Variants in AKR1B10 observed in about 807,000 individuals in gnomAD.
AKR1B10 encodes ARP.
AKR1B10 carries 39 observed loss-of-function variants against 38.9 expected under a neutral mutation model. The observed-to-expected ratio is 1.00, with a 90% CI of 0.78 to 1.31. AKR1B10 has a LOEUF of 1.31. Among genes scored for constraint, AKR1B10 ranks in the 50% most tolerant of loss-of-function variants. The pLI, the probability that AKR1B10 is intolerant of heterozygous loss-of-function variation, is 0.00. For missense variants in AKR1B10, 361 were observed against 382.6 expected, an observed-to-expected ratio of 0.94 and a Z score of 0.47; for synonymous variants, 148 against 141.2, an observed-to-expected ratio of 1.05 and a Z score of -0.34.
Position 134,532,096 on chromosome 7 carries a change from G to A in AKR1B10, c.351+72G>A, listed in dbSNP as rs546243178. On this transcript the variant is annotated intron_variant, in intron 3 of 9. Coordinates refer to ENST00000359579, the MANE Select transcript of AKR1B10 (RefSeq NM_020299.5). ...AGAAAATAGTAGCTGCACCAGGGCT[G>A]TGGGGTGGTGTGGACTGGGGCAGGA... The A allele has an allele frequency of 1.5e-5, 24 of 1,566,410 alleles. No homozygotes were observed. The Admixed American group carries it at 2.8e-4, about 19-fold the overall frequency.
At chr7:134,528,986 C>T (rs1480600775) in intron 1 of AKR1B10, among the ~76,000 whole-genome samples, 6 of 152,154 alleles carry the variant, frequency 3.9e-5, no homozygotes, top group Admixed American at 6.5e-5. Flanking sequence ...GGCAGGTTCC[C>T]GAGCCTCTGT....
At chr7:134,533,293 G>T (rs1332357024) in intron 4 of AKR1B10, among the ~76,000 whole-genome samples, 1 of 152,136 alleles carries the variant, frequency 6.6e-6, no homozygotes, top group African/African-American at 2.4e-5. Context: ...AAATAAGACT[G>T]GAAATACAAT....
In AKR1B10 at chr7:134,538,260, A is replaced by G. The variant is rs1808064585; in HGVS notation, c.808A>G (p.Ile270Val). The G allele has an allele frequency of 1.7e-5, 27 of 1,614,006 alleles. No homozygotes were observed. Among genetic ancestry groups the G allele is most frequent in the Non-Finnish European group, 2.2e-5 (26 of 1,179,916 alleles). ...CCCCAAGTCTGTGACACCAGCACGC[A>G]TTGTTGAGAACATTCAGGTAAGTTT... is the stretch of plus-strand genomic sequence containing the variant. ...VIPKSVTPAR[I>V]VENIQVFDFK... The change falls in exon 8 of 10, where the codon ATT (isoleucine) becomes GTT (valine). Residue 270 changes from isoleucine to valine, a missense_variant. Physicochemically the swap from Ile to Val is conservative, Grantham distance 29. Around this residue, in one of 3 missense-constraint regions of AKR1B10, gnomAD observed 132 missense variants for 134.6 expected, o/e 0.98. Transcript: ENST00000359579.
rs1409228067 is a variant in AKR1B10, at chr7:134,529,214, T to A, written c.66+1237T>A. Reference sequence around the variant, plus strand: ...CTTCTCTTCTGTCCCAAGCTAGAGGTTAGGACCCTCTGCTGCAGCACTGGG... The same window carrying A: ...CTTCTCTTCTGTCCCAAGCTAGAGGATAGGACCCTCTGCTGCAGCACTGGG... On this transcript the variant is annotated intron_variant, in intron 1 of 9. Coordinates refer to ENST00000359579, the MANE Select transcript of AKR1B10 (RefSeq NM_020299.5). Among the ~76,000 whole-genome samples, 12 of 152,278 alleles carry A rather than the reference T, an allele frequency of 7.9e-5. No individual in the cohort carries two copies. In the East Asian group the frequency reaches 2.1e-3, roughly 27 times the overall value.
chr7:134,537,545 G>A, intron 6 of AKR1B10, 35 bp from the exon 7 acceptor site: 1 of 1,601,694 alleles, frequency 6.2e-7, no homozygotes, highest in Non-Finnish European at 8.5e-7. Context: ...TGGTAGCCAT[G>A]GTGATTATTC....
intron 6 of AKR1B10, among the ~76,000 whole-genome samples, 189 bp downstream of exon 6, chr7:134,537,346 C>T (rs912609655): frequency 2.6e-5 from 4 of 152,200 alleles, no homozygotes; most frequent in South Asian, 2.1e-4. Flanking sequence ...ACACCAAGGG[C>T]GACATGCTTG....
chr7:134,541,197 A>G lies in AKR1B10; in HGVS notation c.*108A>G. ...CCAAGCTTATTTAAGATCACAGTGA[A>G]CTTAGTCCTGTTATAGACGAGAATC... On this transcript the variant is annotated 3_prime_UTR_variant, in exon 10 of 10. Transcript: ENST00000359579. 1 of 832,558 alleles carries G rather than the reference A, an allele frequency of 1.2e-6. No homozygotes were observed. Among genetic ancestry groups the G allele is most frequent in the South Asian group, 1.6e-5 (1 of 62,298 alleles). 51.6% of individuals were successfully genotyped at this position (832,558 alleles called of 1,614,324 possible).
rs749443991 is a variant in AKR1B10 at position 134,530,823 on chromosome 7, A to G, written c.234+13A>G. 1.3e-5 allele frequency: 21 copies of G among 1,601,772 alleles called. No homozygotes were observed. The highest frequency in any genetic ancestry group is 1.7e-5 in the Non-Finnish European group (20 of 1,173,962). ...CATCGTCAGCAAGGTGCAATGGTGC[A>G]TTTGGTGGGAGGCCTTCACTTCAAG... On this transcript the variant is annotated intron_variant, in intron 2 of 9. Coordinates refer to ENST00000359579, the MANE Select transcript of AKR1B10 (RefSeq NM_020299.5).
chr7:134,540,121 G>C (rs1238572362), intron 9 of AKR1B10, among the ~76,000 whole-genome samples: 1 of 152,108 alleles, frequency 6.6e-6, no homozygotes, highest in East Asian at 1.9e-4. Context: ...AGGAGGCTGA[G>C]GCAGGAGAAT....
rs199767638 is a variant in AKR1B10, at chr7:134,533,015, C to A, written c.363C>A (p.Asp121Glu). The change falls in exon 4 of 10, where the codon GAC becomes GAA. Residue 121 changes from aspartate to glutamate, a missense_variant. By Grantham distance (45) the Asp-to-Glu change is conservative (BLOSUM62 2). Coordinates refer to ENST00000359579, the MANE Select transcript of AKR1B10 (RefSeq NM_020299.5). Reference sequence around the variant, plus strand: ...TTCTGTGTTCACAGTCTGGGGATGACCTTTTCCCCAAAGATGATAAAGGTA... The same window carrying A: ...TTCTGTGTTCACAGTCTGGGGATGAACTTTTCCCCAAAGATGATAAAGGTA... ...HWPQGFKSGD[D>E]LFPKDDKGNA... 3.1e-6 allele frequency: 5 copies of A among 1,602,308 alleles called. No individual in the cohort carries two copies. The highest frequency in any genetic ancestry group is 4.3e-6 in the Non-Finnish European group (5 of 1,175,896).
rs958799264 is a variant in AKR1B10 at position 134,532,808 on chromosome 7, G to A, written c.352-196G>A. 5.9e-5 allele frequency among the ~76,000 whole-genome samples: 9 copies of A among 152,106 alleles called. 1 individual carries two copies. Among genetic ancestry groups the A allele is most frequent in the South Asian group, 4.1e-4 (2 of 4,820 alleles). ...AGCAAATCTTAAAGTCAAGCCAGTC[G>A]TTTCTAAAATATTAGTATGCTACAG... On this transcript the variant is annotated intron_variant, in intron 3 of 9. Coordinates refer to ENST00000359579, the MANE Select transcript of AKR1B10 (RefSeq NM_020299.5).
At chr7:134,530,573 T>C in intron 1 of AKR1B10, 70 bp from the exon 2 acceptor site, 3 of 1,571,600 alleles carry the variant, frequency 1.9e-6, no homozygotes, top group Non-Finnish European at 1.7e-6. Context: ...GAGGCCAGCC[T>C]GGGCAACACG....
intron 9 of AKR1B10, 95 bp from the exon 10 acceptor site, chr7:134,540,952 G>C (rs1585759955): frequency 1.1e-6 from 1 of 904,284 alleles, no homozygotes; most frequent in Admixed American, 2.0e-5. Flanking sequence ...GCACAAATAT[G>C]ATAGAGTCCA....
intron 3 of AKR1B10, 151 bp from the exon 4 acceptor site, chr7:134,532,853 T>TA (rs977705415): frequency 1.1e-5 from 7 of 624,684 alleles, no homozygotes; most frequent in Admixed American, 1.1e-4. Flanking sequence ...AGATTTTAAT[T>TA]AAACTCACAT....
chr7:134,528,890 G>A (rs1807772624), intron 1 of AKR1B10, among the ~76,000 whole-genome samples: 1 of 152,186 alleles, frequency 6.6e-6, no homozygotes, highest in Admixed American at 6.5e-5. Context: ...GGGCTGCAGA[G>A]AGCCTGGGCT....
intron 4 of AKR1B10, among the ~76,000 whole-genome samples, chr7:134,534,634 G>A (rs990027526): frequency 1.2e-4 from 19 of 152,174 alleles, no homozygotes; most frequent in East Asian, 5.8e-4. Context: ...ATATGTAAGC[G>A]TTGGATGTTT....
chr7:134,536,294 T>G (rs1243942329), intron 4 of AKR1B10, among the ~76,000 whole-genome samples: 1 of 152,264 alleles, frequency 6.6e-6, no homozygotes, highest in Non-Finnish European at 1.5e-5. Flanking sequence ...TCTCATAAGC[T>G]TACAAATGTT....
In AKR1B10 at chr7:134,538,242, T is replaced by A; in HGVS notation, c.790T>A (p.Ser264Thr). ...GAGGAATGTGATTGTCATCCCCAAG[T>A]CTGTGACACCAGCACGCATTGTTGA... ...IQRNVIVIPK[S>T]VTPARIVENI... The change falls in exon 8 of 10, where the codon TCT (serine) becomes ACT (threonine). Residue 264 changes from serine to threonine, a missense_variant. This residue lies in a region of AKR1B10 where 132 missense variants were observed against 134.6 expected (regional missense o/e 0.98). Transcript: ENST00000359579. The A allele has an allele frequency of 1.2e-6, 2 of 1,614,120 alleles. No homozygotes were observed. Among genetic ancestry groups the A allele is most frequent in the Non-Finnish European group, 1.7e-6 (2 of 1,179,978 alleles).
chr7:134,530,202 A>C (rs1807810589), intron 1 of AKR1B10, among the ~76,000 whole-genome samples: 1 of 152,294 alleles, frequency 6.6e-6, no homozygotes, highest in Admixed American at 6.5e-5. Context: ...ATTTAGAGTC[A>C]AGCTTTCATC....
Sources: allele counts gnomAD v4.1 joint callset (sites outside exome capture counted in the v4.1 genomes callset), GRCh38; gene constraint gnomAD v4.1.1; regional missense constraint gnomAD v4.1.1; transcripts MANE v1.5; gene names NCBI Gene and HGNC (gene_info 2026-07-23, HGNC 2026-07-21).